The following ARHGAP22 variants were observed in gnomAD, a reference collection of about 807,000 sequenced individuals.
The protein encoded by ARHGAP22 is Rho GTPase activating protein 22.
In ARHGAP22, 48 loss-of-function variants were observed where a neutral mutation model predicts 59.1. The ratio of observed to expected loss-of-function variants is 0.81; its 90% CI spans 0.64 to 1.03. ARHGAP22 has a LOEUF of 1.03. Ranked by LOEUF, ARHGAP22 falls within the 50% of genes least tolerant of loss-of-function variation. The probability of loss-of-function intolerance (pLI) is 0.00; values close to 1 mark genes in which losing one functional copy is unlikely to be tolerated. For missense variants in ARHGAP22, 1,015 were observed against 958.7 expected (o/e 1.06, Z -0.78); for synonymous variants, 445 against 416.4 (o/e 1.07, Z -0.84).
Position 48,583,127 on chromosome 10 carries a change from C to G in ARHGAP22, c.60G>C (p.Gly20=). ...RRARSKSLVM[G]EQSRSPGRMP... is the part of the protein sequence containing the mutation. ...TCCGCCCAGGGCTCCGGCTCTGCTC[C>G]CCCATCACTAGGCTTTTGGAGCGGG... The change falls in exon 2 of 10, where the codon GGG becomes GGC. Residue 20 remains glycine (G), a synonymous_variant. Transcript: ENST00000249601. 1 of 1,614,214 alleles carries G rather than the reference C, an allele frequency of 6.2e-7. No individual in the cohort carries two copies. The highest frequency in any genetic ancestry group is 8.5e-7 in the Non-Finnish European group (1 of 1,180,046).
intron 1 of ARHGAP22, among the ~76,000 whole-genome samples, chr10:48,597,610 A>ACACT (rs1436993562): frequency 6.6e-6 from 1 of 152,136 alleles, no homozygotes; most frequent in African/African-American, 2.4e-5. Flanking sequence ...TGCTGAGTGA[A>ACACT]CAGTGTAGGC....
At chr10:48,520,143 A>T (rs2053671108) in intron 3 of ARHGAP22, among the ~76,000 whole-genome samples, 1 of 152,200 alleles carries the variant, frequency 6.6e-6, no homozygotes, top group African/African-American at 2.4e-5. Context: ...GCGGGACTGC[A>T]CTGGAGTCTA....
rs2053587983 is a variant in ARHGAP22, at chr10:48,519,299, G to A, written c.322+36164C>T. ...AGACCAGCAACAGCATTCCTGCCCA[G>A]GTCCACTGGCCTCTGTACTCTGGCT... On this transcript the variant is annotated intron_variant, in intron 3 of 9. Transcript: ENST00000249601. Among the ~76,000 whole-genome samples, 4 of 152,204 alleles carry A rather than the reference G, an allele frequency of 2.6e-5. No individual in the cohort carries two copies. In the South Asian group the frequency reaches 8.3e-4, roughly 32 times the overall value.
intron 1 of ARHGAP22, among the ~76,000 whole-genome samples, chr10:48,634,756 G>A (rs954366091): frequency 8.5e-5 from 13 of 152,094 alleles, no homozygotes; most frequent in African/African-American, 2.7e-4. Flanking sequence ...AACCCCCACC[G>A]CCCCATACAG....
chr10:48,588,741 T>C (rs1182458608), intron 1 of ARHGAP22, among the ~76,000 whole-genome samples: 2 of 152,220 alleles, frequency 1.3e-5, no homozygotes, highest in East Asian at 3.9e-4. Context: ...GACTTGATGG[T>C]GTTCCCTGTG....
intron 1 of ARHGAP22, among the ~76,000 whole-genome samples, chr10:48,621,270 T>G (rs1306702294): frequency 6.6e-6 from 1 of 152,248 alleles, no homozygotes; most frequent in African/African-American, 2.4e-5. Context: ...TTTTACATTT[T>G]TGCCTCATTT....
At chr10:48,648,019 T>C (rs2062386148) in intron 1 of ARHGAP22, among the ~76,000 whole-genome samples, 2 of 152,192 alleles carry the variant, frequency 1.3e-5, no homozygotes, top group Non-Finnish European at 2.9e-5. Context: ...GATCAATGGT[T>C]TCCTTAGGTT....
chr10:48,550,778 C>G (rs151103835), intron 3 of ARHGAP22, among the ~76,000 whole-genome samples: 2 of 152,344 alleles, frequency 1.3e-5, no homozygotes, highest in South Asian at 2.1e-4. Flanking sequence ...AAGCTAAGCT[C>G]ACTGGAGAAT....
chr10:48,481,120 C>T (rs978219016), intron 3 of ARHGAP22, among the ~76,000 whole-genome samples: 18 of 152,248 alleles, frequency 1.2e-4, no homozygotes, highest in African/African-American at 4.3e-4. Flanking sequence ...AGCCGCTGGG[C>T]AGCAGAGCTG....
intron 3 of ARHGAP22, among the ~76,000 whole-genome samples, chr10:48,529,842 TAA>T (rs1338255804): frequency 1.3e-5 from 2 of 152,006 alleles, no homozygotes; most frequent in Admixed American, 6.6e-5. Context: ...AAACAAAACA[TAA>T]AAGTAGGGAA....
intron 9 of ARHGAP22, among the ~76,000 whole-genome samples, chr10:48,446,879 C>T (rs903775145): frequency 6.6e-6 from 1 of 152,232 alleles, no homozygotes; most frequent in Admixed American, 6.5e-5. Context: ...TCGGTGCCTC[C>T]CTGGGTCCGC....
At chr10:48,432,869 C>A in the ARHGAP22 span, among the ~76,000 whole-genome samples, 1 of 152,070 alleles carries the variant, frequency 6.6e-6, no homozygotes, top group Non-Finnish European at 1.5e-5. Flanking sequence ...CTTGCAAAGA[C>A]GAGTATTAGC....
At chr10:48,605,359 C>T (rs1441114834), upstream of ARHGAP22, among the ~76,000 whole-genome samples, 2 of 143,488 alleles carry the variant, frequency 1.4e-5, no homozygotes, top group South Asian at 2.4e-4. Flanking sequence ...GCCCAATCCA[C>T]GGGGACCCGC....
Position 48,578,907 on chromosome 10 carries a change from C to CT in ARHGAP22, c.234+4045dup, listed in dbSNP as rs1016681992. ...TTTTTGCTCACATTTACTTGCTTAC[C>CT]TTTTTTTTTCCGTTCTTTTGCTTTT... is the stretch of plus-strand genomic sequence containing the variant. On this transcript the variant is annotated intron_variant, in intron 2 of 9. Coordinates refer to ENST00000249601, the MANE Select transcript of ARHGAP22 (RefSeq NM_021226.4). Among the ~76,000 whole-genome samples, 59 of 150,860 alleles carry CT rather than the reference C, an allele frequency of 3.9e-4. 2 individuals carry two copies. Among genetic ancestry groups the CT allele is most frequent in the South Asian group, 1.9e-3 (9 of 4,746 alleles).
intron 1 of ARHGAP22, among the ~76,000 whole-genome samples, chr10:48,651,669 G>C (rs571826154): frequency 1.3e-5 from 2 of 152,212 alleles, no homozygotes; most frequent in African/African-American, 4.8e-5. Context: ...CACCCAGCGA[G>C]CACCTGCCTG....
chr10:48,637,100 G>A (rs182388844), intron 1 of ARHGAP22, among the ~76,000 whole-genome samples: 131 of 152,334 alleles, frequency 8.6e-4, no homozygotes, highest in African/African-American at 3.1e-3. Context: ...CAGTCTCTGA[G>A]AAGCTGATCT....
intron 1 of ARHGAP22, among the ~76,000 whole-genome samples, chr10:48,613,680 A>T (rs1285690316): frequency 2.0e-5 from 3 of 152,156 alleles, no homozygotes; most frequent in Non-Finnish European, 4.4e-5. Flanking sequence ...TGTAAAAAAA[A>T]AAAAGAATAG....
chr10:48,590,895 A>G (rs1260909085), intron 1 of ARHGAP22, among the ~76,000 whole-genome samples: 1 of 152,160 alleles, frequency 6.6e-6, no homozygotes, highest in Non-Finnish European at 1.5e-5. Context: ...GGACGTTCAC[A>G]AGAGCCTGTG....
intron 2 of ARHGAP22, among the ~76,000 whole-genome samples, chr10:48,577,997 C>G (rs550251674): frequency 6.6e-6 from 1 of 151,834 alleles, no homozygotes; most frequent in South Asian, 2.1e-4. Flanking sequence ...TTAGTAGAAA[C>G]GGGGTTTCAC....
Sources: allele counts gnomAD v4.1 joint callset (sites outside exome capture counted in the v4.1 genomes callset), GRCh38; gene constraint gnomAD v4.1.1; transcripts MANE v1.5; gene names NCBI Gene and HGNC (gene_info 2026-07-23, HGNC 2026-07-21).